IQCM: variants seen among roughly 807,000 people sequenced by gnomAD.
IQCM encodes IQ domain-containing protein M.
A neutral mutation model predicts 57.6 loss-of-function variants in IQCM; 45 were observed. The ratio of observed to expected loss-of-function variants is 0.78; its 90% confidence interval spans 0.62 to 1.00. The LOEUF (loss-of-function observed/expected upper bound fraction) is 1.00. IQCM is among the 50% of genes least tolerant of loss of function. IQCM has a pLI of 0.00. For synonymous variants in IQCM, 148 were observed against 158.9 expected, an observed-to-expected ratio of 0.93 and a Z score of 0.51; for missense variants, 468 against 511.6, an observed-to-expected ratio of 0.91 and a Z score of 0.82.
At chr4:149,629,070 C>T (rs1367476484) in intron 7 of IQCM, among the ~76,000 whole-genome samples, 1 of 152,186 alleles carries the variant, frequency 6.6e-6, no homozygotes, top group African/African-American at 2.4e-5. Context: ...TTAGAAACCA[C>T]TGTGTAAGAG....
At chr4:149,654,380 G>C (rs909947017) in intron 7 of IQCM, among the ~76,000 whole-genome samples, 1 of 152,010 alleles carries the variant, frequency 6.6e-6, no homozygotes, top group Non-Finnish European at 1.5e-5. Flanking sequence ...ATAGTGAGTG[G>C]GTTCTTGGTA....
At chr4:149,444,734 A>G (rs1242997568) in intron 12 of IQCM, among the ~76,000 whole-genome samples, 2 of 151,936 alleles carry the variant, frequency 1.3e-5, no homozygotes, top group East Asian at 3.9e-4. Flanking sequence ...GGAAATAATG[A>G]ACAGGTTGTT....
intron 5 of IQCM, among the ~76,000 whole-genome samples, chr4:149,722,696 ATGGTATTATTTCAAATAGGGTAATG>A (rs1765553418): frequency 6.6e-6 from 1 of 151,778 alleles, no homozygotes; most frequent in African/African-American, 2.4e-5. Flanking sequence ...CTATAGCTTT[ATGGTATTATTTCAAATAGGGTAATG>A]TGATATCTCC....
At position 149,486,907 on chromosome 4, in the gene IQCM, G is replaced by A. The variant is rs1741583262; in HGVS notation, c.1229-53350C>T. On this transcript the variant is annotated intron_variant, in intron 12 of 13. Transcript: ENST00000636793. ...AGGCCTGGACTCATAGACCCCAAGAGCCTGCTTGTTGCTCTATCCTACTGT... is the reference window on the plus strand; with the variant it reads ...AGGCCTGGACTCATAGACCCCAAGAACCTGCTTGTTGCTCTATCCTACTGT... Among the ~76,000 whole-genome samples, 2 of 152,030 alleles carry A rather than the reference G, an allele frequency of 1.3e-5. 1 individual carries two copies. Among genetic ancestry groups the A allele is most frequent in the South Asian group, 4.1e-4 (2 of 4,824 alleles).
At chr4:149,687,481 A>C (rs556695910) in intron 5 of IQCM, among the ~76,000 whole-genome samples, 1 of 151,710 alleles carries the variant, frequency 6.6e-6, no homozygotes, top group African/African-American at 2.4e-5. Flanking sequence ...TAGAGTTTGC[A>C]TAGCATTTTG....
intron 2 of IQCM, among the ~76,000 whole-genome samples, chr4:149,800,545 A>G (rs1316820922): frequency 6.6e-6 from 1 of 151,980 alleles, no homozygotes; most frequent in Non-Finnish European, 1.5e-5. Context: ...GGAAAGGAAA[A>G]AGTCAAATTA....
intron 5 of IQCM, among the ~76,000 whole-genome samples, chr4:149,701,588 A>C (rs113404394): frequency 0.017 from 2,511 of 152,134 alleles, 77 homozygotes; most frequent in African/African-American, 0.058. Flanking sequence ...GAGCAGTGCT[A>C]TGCAATGTGT....
intron 2 of IQCM, among the ~76,000 whole-genome samples, chr4:149,807,797 T>C (rs983787262): frequency 1.3e-5 from 2 of 152,026 alleles, no homozygotes; most frequent in African/African-American, 2.4e-5. Flanking sequence ...TCTTAAAAGA[T>C]GACACACAAA....
chr4:149,397,212 C>A (rs375392941), intron 13 of IQCM, among the ~76,000 whole-genome samples: 1 of 151,928 alleles, frequency 6.6e-6, no homozygotes, highest in South Asian at 2.1e-4. Context: ...CACTTAACAA[C>A]TTTTTCTTTT....
rs541683764 is a variant in IQCM at position 149,647,776 on chromosome 4, T to C, written c.566-26532A>G. Reference sequence around the variant, plus strand: ...TGGGTCTCTTGAACCTAAGAATTAATGTCTCTCATCATTTCTGAAACATTC... The same window carrying C: ...TGGGTCTCTTGAACCTAAGAATTAACGTCTCTCATCATTTCTGAAACATTC... On this transcript the variant is annotated intron_variant, in intron 7 of 13. Transcript: ENST00000636793. Among the ~76,000 whole-genome samples the C allele has an allele frequency of 2.0e-5, 3 of 152,320 alleles. No homozygotes were observed. The East Asian group carries it at 5.8e-4, about 29-fold the overall frequency.
intron 2 of IQCM, among the ~76,000 whole-genome samples, chr4:149,782,214 C>G (rs1771667013): frequency 6.6e-6 from 1 of 152,038 alleles, no homozygotes; most frequent in Admixed American, 6.6e-5. Context: ...AATATACATC[C>G]TACTCTTACT....
intron 7 of IQCM, among the ~76,000 whole-genome samples, chr4:149,636,909 C>T (rs1273281098): frequency 2.0e-5 from 3 of 150,762 alleles, no homozygotes; most frequent in East Asian, 3.9e-4. Context: ...TTTGGGAGGC[C>T]GAGGCGGGTG....
intron 12 of IQCM, among the ~76,000 whole-genome samples, chr4:149,499,272 C>A (rs1209107313): frequency 6.6e-6 from 1 of 152,098 alleles, no homozygotes. Flanking sequence ...ATATATTACT[C>A]TTTAAGTTAA....
intron 2 of IQCM, among the ~76,000 whole-genome samples, chr4:149,788,340 C>CA (rs1351837736): frequency 6.6e-6 from 1 of 151,864 alleles, no homozygotes; most frequent in African/African-American, 2.4e-5. Flanking sequence ...TCTCAAAAAA[C>CA]AAAAAACAAA....
At chr4:149,670,514 G>A (rs1052252446) in intron 7 of IQCM, among the ~76,000 whole-genome samples, 1 of 152,074 alleles carries the variant, frequency 6.6e-6, no homozygotes, top group Non-Finnish European at 1.5e-5. Flanking sequence ...CCAACACTAC[G>A]TTGAATAGGA....
chr4:149,813,638 A>C (rs780076728), intron 2 of IQCM, among the ~76,000 whole-genome samples: 27 of 152,238 alleles, frequency 1.8e-4, no homozygotes, highest in Non-Finnish European at 2.4e-4. Flanking sequence ...AGAAGTAATT[A>C]GATACCTATA....
intron 7 of IQCM, among the ~76,000 whole-genome samples, chr4:149,633,971 T>C (rs1170325171): frequency 6.6e-6 from 1 of 152,206 alleles, no homozygotes; most frequent in Non-Finnish European, 1.5e-5. Flanking sequence ...AAAGGTTAAA[T>C]AATTCTCAGC....
intron 12 of IQCM, among the ~76,000 whole-genome samples, chr4:149,458,023 G>A (rs1737884141): frequency 6.6e-6 from 1 of 151,822 alleles, no homozygotes; most frequent in Non-Finnish European, 1.5e-5. Flanking sequence ...CATAAAAGAA[G>A]CAACATAAAA....
chr4:149,474,553 CAA>C lies in IQCM; in HGVS notation c.1229-40998_1229-40997del, dbSNP rs35089303. On this transcript the variant is annotated intron_variant, in intron 12 of 13. Transcript: ENST00000636793. ...TGAAACCCCGTCACTACTAAAAATA[CAA>C]AAAAAAAAAAAAAAGGCCAGGTGTG... Among the ~76,000 whole-genome samples the C allele has an allele frequency of 2.2e-3, 273 of 126,714 alleles. 1 individual carries two copies. The highest frequency in any genetic ancestry group is 5.3e-3 in the East Asian group (23 of 4,372). 83.1% of individuals were successfully genotyped at this position (126,714 alleles called of 152,430 possible).
Sources: allele counts gnomAD v4.1 joint callset (sites outside exome capture counted in the v4.1 genomes callset), GRCh38; gene constraint gnomAD v4.1.1; transcripts MANE v1.5; gene names NCBI Gene and HGNC (gene_info 2026-07-23, HGNC 2026-07-21).